The following SDHC variants were observed in gnomAD, a reference collection of about 807,000 sequenced individuals.
The protein encoded by SDHC is succinate dehydrogenase complex subunit C, also known as succinate dehydrogenase cytochrome b560 subunit, mitochondrial.
SDHC carries 11 observed loss-of-function variants against 22.6 expected under a neutral mutation model. The ratio of observed to expected loss-of-function variants is 0.49; its 90% CI spans 0.31 to 0.81. The LOEUF (loss-of-function observed/expected upper bound fraction) is 0.81, where lower values mean the gene tolerates loss of function less well. Ranked by LOEUF, SDHC falls within the 30% of genes least tolerant of loss-of-function variation. The pLI is 0.05. For synonymous variants in SDHC, 80 were observed against 77.8 expected, an observed-to-expected ratio of 1.03 and a Z score of -0.15; for missense variants, 160 against 212.0, an observed-to-expected ratio of 0.75 and a Z score of 1.52.
intron 1 of SDHC, among the ~76,000 whole-genome samples, chr1:161,320,828 A>ATT (rs71270444): frequency 3.9e-5 from 5 of 127,678 alleles, no homozygotes; most frequent in Non-Finnish European, 4.8e-5. Flanking sequence ...TTCAGTCTTG[A>ATT]TTTTTTTTTT....
At chr1:161,350,269 C>T (rs1487808102) in intron 4 of SDHC, among the ~76,000 whole-genome samples, 6 of 152,050 alleles carry the variant, frequency 3.9e-5, no homozygotes, top group Non-Finnish European at 8.8e-5. Flanking sequence ...CCAGGCTGGT[C>T]TCAACTCCTG....
chr1:161,323,684 T>A lies in SDHC; in HGVS notation c.77+14T>A. 1.9e-6 allele frequency: 3 copies of A among 1,597,572 alleles called. No individual in the cohort carries two copies. The highest frequency in any genetic ancestry group is 2.2e-5 in the East Asian group (1 of 44,680). ...CTGTATCAGAAAGTAAGTTTCTAAG[T>A]CTGGAGATTATTTATTTATTTTTTT... On this transcript the variant is annotated intron_variant, in intron 2 of 5. Coordinates refer to ENST00000367975, the MANE Select transcript of SDHC (RefSeq NM_003001.5).
Position 161,324,098 on chromosome 1 carries a change from T to G in SDHC, c.77+428T>G, listed in dbSNP as rs16832826. Among the ~76,000 whole-genome samples, 17,822 of 152,168 alleles carry G rather than the reference T, an allele frequency of 0.12. 1,414 individuals carry two copies. Among genetic ancestry groups the G allele is most frequent in the African/African-American group, 0.22 (8,959 of 41,498 alleles). ...CAGTTGTAGACAGTTGACTGAAACT[T>G]AAGTAATTGTGGTGACTATTTATGG... is the stretch of plus-strand genomic sequence containing the variant. On this transcript the variant is annotated intron_variant, in intron 2 of 5. Transcript: ENST00000367975.
At chr1:161,324,948 C>A (rs754448548) in intron 2 of SDHC, among the ~76,000 whole-genome samples, 6 of 152,090 alleles carry the variant, frequency 3.9e-5, no homozygotes, top group Non-Finnish European at 7.4e-5. Context: ...TGCCTGTAAT[C>A]CCAACACTTT....
At chr1:161,331,731 G>GA (rs1244347376) in intron 3 of SDHC, among the ~76,000 whole-genome samples, 9 of 151,910 alleles carry the variant, frequency 5.9e-5, no homozygotes, top group Non-Finnish European at 1.0e-4. Context: ...AAGTAGCTGG[G>GA]ATTACAGGCG....
At position 161,328,380 on chromosome 1, in the gene SDHC, T is replaced by C. The variant is rs2102307516; in HGVS notation, c.78-16T>C. On this transcript the variant is annotated splice_polypyrimidine_tract_variant and intron_variant, in intron 2 of 5. Transcript: ENST00000367975. ...TTTACTTTTAGTTATTTTCAAACGGTCTGGTTTTATTTTAGTGCTGTTCCT... is the reference window on the plus strand; with the variant it reads ...TTTACTTTTAGTTATTTTCAAACGGCCTGGTTTTATTTTAGTGCTGTTCCT... 6.4e-6 allele frequency: 10 copies of C among 1,572,666 alleles called. No individual in the cohort carries two copies. Among genetic ancestry groups the C allele is most frequent in the Non-Finnish European group, 8.7e-6 (10 of 1,142,878 alleles).
At chr1:161,326,228 TC>T (rs1014504656) in intron 2 of SDHC, among the ~76,000 whole-genome samples, 1 of 151,626 alleles carries the variant, frequency 6.6e-6, no homozygotes, top group African/African-American at 2.4e-5. Context: ...AGCAGAGTTA[TC>T]GTCTGATATG....
chr1:161,321,417 T>C (rs1455156314), intron 1 of SDHC, among the ~76,000 whole-genome samples: 1 of 152,200 alleles, frequency 6.6e-6, no homozygotes, highest in Non-Finnish European at 1.5e-5. Context: ...TTTACATTGA[T>C]ATTTGTCTGG....
chr1:161,350,584 A>AT (rs201567078), intron 4 of SDHC, among the ~76,000 whole-genome samples: 2 of 152,218 alleles, frequency 1.3e-5, no homozygotes, highest in African/African-American at 4.8e-5. Flanking sequence ...CAATAAAGGT[A>AT]TTTTTTAAAA....
chr1:161,324,086 T>C (rs1467542188), intron 2 of SDHC, among the ~76,000 whole-genome samples: 1 of 152,208 alleles, frequency 6.6e-6, no homozygotes, highest in Non-Finnish European at 1.5e-5. Context: ...TTGTAGACAG[T>C]TGACTGAAAC....
chr1:161,322,910 C>T (rs1229797151), intron 1 of SDHC, among the ~76,000 whole-genome samples: 3 of 152,020 alleles, frequency 2.0e-5, no homozygotes, highest in Non-Finnish European at 4.4e-5. Flanking sequence ...TAAAGCTAAG[C>T]TATATGGTTG....
At chr1:161,354,606 C>T (rs1285891393) in intron 4 of SDHC, among the ~76,000 whole-genome samples, 1 of 145,070 alleles carries the variant, frequency 6.9e-6, no homozygotes, top group African/African-American at 2.6e-5. Context: ...CAACTGGCCT[C>T]TTCTTTTTTT....
intron 3 of SDHC, among the ~76,000 whole-genome samples, chr1:161,336,592 G>A (rs899580502): frequency 2.0e-5 from 3 of 152,148 alleles, no homozygotes; most frequent in Admixed American, 2.0e-4. Flanking sequence ...GGTGAGGTGA[G>A]TCTTTCACTA....
At chr1:161,354,751 C>G (rs1027603183) in intron 4 of SDHC, among the ~76,000 whole-genome samples, 1 of 145,962 alleles carries the variant, frequency 6.9e-6, no homozygotes, top group African/African-American at 2.5e-5. Flanking sequence ...ACTCTGTTGC[C>G]CAGGCTGGAG....
intron 1 of SDHC, among the ~76,000 whole-genome samples, chr1:161,321,786 T>G (rs1045879507): frequency 6.6e-6 from 1 of 152,190 alleles, no homozygotes; most frequent in Admixed American, 6.5e-5. Flanking sequence ...CATGAGCTTT[T>G]TTAGAAGATC....
intron 3 of SDHC, among the ~76,000 whole-genome samples, chr1:161,330,560 G>C (rs1671234750): frequency 6.6e-6 from 1 of 152,182 alleles, no homozygotes; most frequent in Non-Finnish European, 1.5e-5. Context: ...CTTTGTGAAA[G>C]GTGACACATG....
At chr1:161,350,148 G>A (rs1295647916) in intron 4 of SDHC, among the ~76,000 whole-genome samples, 4 of 152,170 alleles carry the variant, frequency 2.6e-5, no homozygotes, top group Non-Finnish European at 4.4e-5. Flanking sequence ...GACTACAGGT[G>A]ATCCACCTGC....
chr1:161,330,276 G>A (rs1056473279), intron 3 of SDHC, among the ~76,000 whole-genome samples: 1 of 152,180 alleles, frequency 6.6e-6, no homozygotes, highest in Admixed American at 6.5e-5. Context: ...GTGAGGCTCT[G>A]GGTATAATCC....
intron 2 of SDHC, 142 bp downstream of exon 2, chr1:161,323,812 C>T (rs1389611218): frequency 3.5e-6 from 2 of 572,462 alleles, no homozygotes; most frequent in African/African-American, 3.9e-5. Flanking sequence ...TCTCCTGCCT[C>T]AGCCTCCTGA....
Sources: gnomAD v4.1 joint callset for allele counts (sites outside exome capture counted in the v4.1 genomes callset) on GRCh38, gnomAD v4.1.1 for gene constraint, MANE v1.5 for transcripts, NCBI Gene and HGNC (gene_info 2026-07-23, HGNC 2026-07-21) for gene names.